TTLL1: variants seen among roughly 807,000 people sequenced by gnomAD.
The protein encoded by TTLL1 is TTL family tubulin polyglutamylase complex subunit L1.
In TTLL1, 33 loss-of-function variants were observed where a neutral mutation model predicts 47.8. The ratio of observed to expected loss-of-function variants is 0.69; its 90% confidence interval spans 0.52 to 0.92. The LOEUF (loss-of-function observed/expected upper bound fraction) is 0.92, where lower values mean the gene tolerates loss of function less well. Ranked by LOEUF, TTLL1 falls within the 40% of genes least tolerant of loss-of-function variation. The probability of loss-of-function intolerance (pLI) is 0.00; values close to 1 mark genes in which losing one functional copy is unlikely to be tolerated. For synonymous variants in TTLL1, 225 were observed against 214.1 expected (o/e 1.05, Z -0.45); for missense variants, 488 against 547.5 (o/e 0.89, Z 1.08).
At chr22:43,069,914 C>T in intron 3 of TTLL1, 70 bp from the exon 4 acceptor site, 1 of 1,569,432 alleles carries the variant, frequency 6.4e-7, no homozygotes, top group Non-Finnish European at 8.6e-7. Context: ...GTTCCCGTCC[C>T]CGCAAACACC....
intron 7 of TTLL1, among the ~76,000 whole-genome samples, chr22:43,060,681 T>C (rs1927334863): frequency 6.6e-6 from 1 of 152,234 alleles, no homozygotes; most frequent in Admixed American, 6.5e-5. Context: ...ATGCCACTTC[T>C]GAGCTCTTCC....
intron 8 of TTLL1, among the ~76,000 whole-genome samples, chr22:43,056,581 C>T (rs902474454): frequency 6.8e-6 from 1 of 147,634 alleles, no homozygotes; most frequent in Non-Finnish European, 1.5e-5. Flanking sequence ...GTCAGGAGTT[C>T]GAGACTAGCC....
At chr22:43,042,725 G>A (rs1041112891) in intron 10 of TTLL1, among the ~76,000 whole-genome samples, 3 of 152,112 alleles carry the variant, frequency 2.0e-5, no homozygotes, top group Non-Finnish European at 4.4e-5. Context: ...TGCTGCTGGT[G>A]GCTGCACCTG....
intron 5 of TTLL1, among the ~76,000 whole-genome samples, chr22:43,065,644 G>GCGAT (rs1927681813): frequency 6.6e-6 from 1 of 151,848 alleles, no homozygotes; most frequent in Non-Finnish European, 1.5e-5. Flanking sequence ...GTGCAGTGGT[G>GCGAT]CGATCACAGC....
chr22:43,050,963 GC>G (rs1178498569), intron 9 of TTLL1, among the ~76,000 whole-genome samples: 14 of 152,368 alleles, frequency 9.2e-5, no homozygotes, highest in African/African-American at 3.4e-4. Context: ...CTCTTCAGCA[GC>G]TTCCTGCAGG....
intron 3 of TTLL1, among the ~76,000 whole-genome samples, chr22:43,072,342 G>T (rs1490787282): frequency 2.0e-5 from 3 of 152,042 alleles, no homozygotes; most frequent in Non-Finnish European, 2.9e-5. Flanking sequence ...TTTTAGTAGA[G>T]ATGAGGTTTC....
At chr22:43,072,852 G>C (rs1928217883) in intron 3 of TTLL1, among the ~76,000 whole-genome samples, 1 of 151,868 alleles carries the variant, frequency 6.6e-6, no homozygotes, top group Non-Finnish European at 1.5e-5. Context: ...GCAAGGTGCT[G>C]GGATTACAGG....
At chr22:43,040,060 A>C (rs1601643743) in intron 10 of TTLL1, 155 bp from the exon 11 acceptor site, 5 of 975,794 alleles carry the variant, frequency 5.1e-6, no homozygotes, top group Non-Finnish European at 7.4e-6. Flanking sequence ...CCCACCTCCC[A>C]CCTGGCTCCA....
intron 5 of TTLL1, among the ~76,000 whole-genome samples, chr22:43,067,017 T>C (rs1325481657): frequency 6.6e-6 from 1 of 151,544 alleles, no homozygotes; most frequent in Non-Finnish European, 1.5e-5. Flanking sequence ...AAACATGCTA[T>C]AAAATGAGAA....
At chr22:43,044,842 C>T (rs190827701) in intron 10 of TTLL1, among the ~76,000 whole-genome samples, 1 of 151,898 alleles carries the variant, frequency 6.6e-6, no homozygotes, top group Admixed American at 6.6e-5. Flanking sequence ...TCCCAGGCCC[C>T]ATGGTGTAGC....
intron 10 of TTLL1, among the ~76,000 whole-genome samples, chr22:43,045,263 C>T (rs544603512): frequency 1.3e-5 from 2 of 152,126 alleles, no homozygotes; most frequent in Non-Finnish European, 2.9e-5. Context: ...TTCCCACTTT[C>T]GTCACTACGA....
intron 10 of TTLL1, among the ~76,000 whole-genome samples, chr22:43,042,040 T>A (rs543668799): frequency 6.6e-6 from 1 of 152,188 alleles, no homozygotes; most frequent in South Asian, 2.1e-4. Flanking sequence ...CTGGCGCCTC[T>A]CCACAGGATC....
chr22:43,052,113 G>C (rs910496308), intron 8 of TTLL1: 7 of 539,562 alleles, frequency 1.3e-5, no homozygotes, highest in Non-Finnish European at 2.4e-5. Flanking sequence ...AGCCGTAATG[G>C]GCATCTCTGC....
chr22:43,055,885 C>T (rs78382136), intron 8 of TTLL1, among the ~76,000 whole-genome samples: 5,192 of 151,910 alleles, frequency 0.034, 309 homozygotes, highest in African/African-American at 0.12. Context: ...TAATTTTCCA[C>T]AGAGAATGTT....
intron 8 of TTLL1, among the ~76,000 whole-genome samples, chr22:43,057,594 A>G (rs1927103386): frequency 6.6e-6 from 1 of 152,060 alleles, no homozygotes; most frequent in Non-Finnish European, 1.5e-5. Context: ...CACCACACAC[A>G]CACTCCACGG....
rs1026392824 is a variant in TTLL1, at chr22:43,052,052, C to T, written c.892-165G>A. The T allele has an allele frequency of 2.5e-5, 16 of 641,298 alleles. No individual in the cohort carries two copies. In the Middle Eastern group the frequency reaches 2.5e-3, roughly 99 times the overall value. The allele number at this position is 641,298 out of a possible 1,614,324, so 39.7% of individuals were successfully genotyped here. A position where few individuals can be genotyped will look rare whatever the true frequency, so the allele number is the denominator to read the frequency against. ...TTCCCTCCTCTCCCTCTTCCTCCCG[C>T]AGAGCTCAGAGATTGGGCACTTTCC... On this transcript the variant is annotated intron_variant, in intron 8 of 10. Transcript: ENST00000266254.
intron 3 of TTLL1, among the ~76,000 whole-genome samples, chr22:43,073,463 T>C (rs960242904): frequency 6.6e-6 from 1 of 151,492 alleles, no homozygotes; most frequent in Non-Finnish European, 1.5e-5. Context: ...TTGAGGCCAT[T>C]TGCCTGCCTC....
chr22:43,078,725 A>G (rs1462072210), intron 2 of TTLL1, among the ~76,000 whole-genome samples: 2 of 152,032 alleles, frequency 1.3e-5, no homozygotes, highest in Non-Finnish European at 2.9e-5. Context: ...GCAAGCTACA[A>G]GGTGCTGTAT....
intron 1 of TTLL1, among the ~76,000 whole-genome samples, chr22:43,082,402 T>C (rs183413169): frequency 6.6e-6 from 1 of 152,130 alleles, no homozygotes; most frequent in East Asian, 1.9e-4. Flanking sequence ...TGTGAGAAAA[T>C]CTTTTGGAAA....
Sources: gnomAD v4.1 joint callset for allele counts (sites outside exome capture counted in the v4.1 genomes callset) on GRCh38, gnomAD v4.1.1 for gene constraint, MANE v1.5 for transcripts, NCBI Gene and HGNC (gene_info 2026-07-23, HGNC 2026-07-21) for gene names.